EYS: variants seen among roughly 807,000 people sequenced by gnomAD.
EYS encodes EGF-like photoreceptor maintenance factor.
A neutral mutation model predicts 282.1 loss-of-function variants in EYS; 250 were observed. The observed-to-expected ratio is 0.89, with a 90% CI of 0.80 to 0.98. The LOEUF is 0.98. EYS is among the 50% of genes least tolerant of loss of function. The pLI, the probability that EYS is intolerant of heterozygous loss-of-function variation, is 0.00. For synonymous variants in EYS, 1,355 were observed against 1,282.9 expected (o/e 1.06, Z -1.20); for missense variants, 4,016 against 3,709.0 (o/e 1.08, Z -2.15).
chr6:65,199,839 G>C (rs148938068), intron 12 of EYS, among the ~76,000 whole-genome samples: 383 of 152,166 alleles, frequency 2.5e-3, no homozygotes, highest in African/African-American at 8.5e-3. Context: ...AAGGCACCAA[G>C]GATGCATGGA....
At chr6:64,678,510 G>A (rs536407036) in intron 22 of EYS, among the ~76,000 whole-genome samples, 7 of 152,176 alleles carry the variant, frequency 4.6e-5, no homozygotes, top group East Asian at 3.9e-4. Context: ...CCCAGGAGGC[G>A]GAGGTTGCAG....
chr6:64,992,527 G>T (rs1210923108), intron 14 of EYS, among the ~76,000 whole-genome samples: 1 of 151,638 alleles, frequency 6.6e-6, no homozygotes, highest in Admixed American at 6.6e-5. Flanking sequence ...CCATTTAAAG[G>T]CTATATATAA....
chr6:64,933,156 A>G (rs754200976), intron 15 of EYS, among the ~76,000 whole-genome samples: 13 of 152,078 alleles, frequency 8.5e-5, no homozygotes, highest in Non-Finnish European at 1.8e-4. Context: ...CTATTATATA[A>G]TCAATTAAGG....
intron 1 of EYS, among the ~76,000 whole-genome samples, chr6:65,658,337 T>C (rs925377489): frequency 4.6e-5 from 7 of 151,724 alleles, no homozygotes; most frequent in Admixed American, 4.0e-4. Flanking sequence ...GAAAACTGTA[T>C]GGACTTTTGT....
At chr6:65,364,483 T>C (rs944347266) in intron 8 of EYS, among the ~76,000 whole-genome samples, 1 of 151,466 alleles carries the variant, frequency 6.6e-6, no homozygotes, top group African/African-American at 2.4e-5. Context: ...AGATATGCAC[T>C]TCAGATATGT....
intron 22 of EYS, among the ~76,000 whole-genome samples, chr6:64,768,461 G>C (rs1033855433): frequency 1.3e-5 from 2 of 152,152 alleles, no homozygotes; most frequent in Non-Finnish European, 2.9e-5. Context: ...GAATCTGATG[G>C]TATGCTTTAG....
intron 31 of EYS, among the ~76,000 whole-genome samples, chr6:64,138,376 A>G (rs2150286283): frequency 6.6e-6 from 1 of 152,316 alleles, no homozygotes; most frequent in Middle Eastern, 3.4e-3. Flanking sequence ...AGGGTATATA[A>G]CACAGCAAAG....
chr6:63,732,735 T>C (rs144276526), intron 41 of EYS, among the ~76,000 whole-genome samples: 123 of 152,330 alleles, frequency 8.1e-4, no homozygotes, highest in African/African-American at 2.7e-3. Flanking sequence ...TATTTCACCA[T>C]AGGCAAAGGT....
intron 1 of EYS, among the ~76,000 whole-genome samples, chr6:65,674,134 C>T (rs1196290517): frequency 1.3e-5 from 2 of 151,498 alleles, no homozygotes; most frequent in East Asian, 2.0e-4. Flanking sequence ...GTGAAGAAAG[C>T]CTAAAAGACT....
intron 36 of EYS, among the ~76,000 whole-genome samples, chr6:63,819,934 CG>C (rs913607784): frequency 6.6e-6 from 1 of 152,070 alleles, no homozygotes; most frequent in Non-Finnish European, 1.5e-5. Context: ...ATCAGGGGTC[CG>C]GGTTGTTTGT....
At chr6:65,042,057 G>A (rs1772953089) in intron 13 of EYS, among the ~76,000 whole-genome samples, 2 of 151,458 alleles carry the variant, frequency 1.3e-5, no homozygotes, top group Non-Finnish European at 3.0e-5. Context: ...TCTGCATATT[G>A]TATGCATGGT....
chr6:65,274,893 T>C (rs898355151), intron 12 of EYS, among the ~76,000 whole-genome samples: 17 of 125,264 alleles, frequency 1.4e-4, no homozygotes, highest in Admixed American at 9.0e-5. Flanking sequence ...TGGTTCCTCC[T>C]ACAGCCAAAA....
chr6:64,222,144 A>C (rs7747822), intron 31 of EYS, among the ~76,000 whole-genome samples: 151,377 of 152,174 alleles, frequency 0.99, 75,300 homozygotes, highest in East Asian at 1. Context: ...CACAGAGAAA[A>C]CTTACCAAAA....
At chr6:63,795,195 A>T (rs1770614010) in intron 37 of EYS, among the ~76,000 whole-genome samples, 2 of 152,228 alleles carry the variant, frequency 1.3e-5, no homozygotes. Context: ...TTATAACAGC[A>T]ACTCATAAGA....
chr6:64,823,487 G>A (rs893091723), intron 19 of EYS, among the ~76,000 whole-genome samples: 3 of 151,662 alleles, frequency 2.0e-5, no homozygotes, highest in East Asian at 1.9e-4. Flanking sequence ...ATTGTGTTTC[G>A]TATGTTTGAA....
rs1195521870 is a variant in EYS at position 64,686,823 on chromosome 6, G to GTA, written c.3444-60580_3444-60579dup. On this transcript the variant is annotated intron_variant, in intron 22 of 42. Transcript: ENST00000503581. ...TATATATGTGTGTATATATATATGT[G>GTA]TATATATATATATACGTGTATATAT... 7.2e-4 allele frequency among the ~76,000 whole-genome samples: 20 copies of GTA among 27,972 alleles called. 4 individuals are homozygous for GTA. Among genetic ancestry groups the GTA allele is most frequent in the African/African-American group, 2.1e-3 (20 of 9,392 alleles). 18.4% of individuals were successfully genotyped at this position (27,972 alleles called of 152,430 possible). A position where few individuals can be genotyped will look rare whatever the true frequency, so the allele number is the denominator to read the frequency against.
chr6:64,655,922 A>G (rs868304184), intron 22 of EYS, among the ~76,000 whole-genome samples: 18 of 152,252 alleles, frequency 1.2e-4, no homozygotes, highest in Middle Eastern at 3.4e-3. Flanking sequence ...ACCTAAAAAT[A>G]TGTAAATTTA....
intron 41 of EYS, among the ~76,000 whole-genome samples, chr6:63,737,183 C>T (rs1334934222): frequency 3.9e-5 from 6 of 152,162 alleles, no homozygotes; most frequent in African/African-American, 1.4e-4. Context: ...AAAGGGAATG[C>T]TTCCAGTTTT....
At chr6:64,812,559 T>C (rs1160125487) in intron 22 of EYS, among the ~76,000 whole-genome samples, 2 of 152,034 alleles carry the variant, frequency 1.3e-5, no homozygotes, top group Non-Finnish European at 2.9e-5. Flanking sequence ...AGGCAGAATA[T>C]ATTAGTGTCT....
Sources: allele counts gnomAD v4.1 joint callset (sites outside exome capture counted in the v4.1 genomes callset), GRCh38; gene constraint gnomAD v4.1.1; transcripts MANE v1.5; gene names NCBI Gene and HGNC (gene_info 2026-07-23, HGNC 2026-07-21).